Variants in NUSAP1 observed in about 807,000 individuals in gnomAD.
The protein encoded by NUSAP1 is nucleolar and spindle associated protein 1.
Under a neutral mutation model 52.8 loss-of-function variants are expected in NUSAP1, and 32 were observed. The ratio of observed to expected loss-of-function variants is 0.61; its 90% CI spans 0.46 to 0.81. The LOEUF is 0.81. Ranked by LOEUF, NUSAP1 falls within the 40% of genes least tolerant of loss-of-function variation. The pLI is 0.00. For missense variants in NUSAP1, 499 were observed against 522.3 expected, an observed-to-expected ratio of 0.96 and a Z score of 0.43; for synonymous variants, 195 against 183.1, an observed-to-expected ratio of 1.06 and a Z score of -0.52.
At chr15:41,359,526 G>A (rs1402821522) in intron 6 of NUSAP1, among the ~76,000 whole-genome samples, 1 of 152,042 alleles carries the variant, frequency 6.6e-6, no homozygotes, top group African/African-American at 2.4e-5. Context: ...GTGATAAATT[G>A]TAAATAATTT....
At chr15:41,365,262 TTC>T (rs1234949511) in intron 6 of NUSAP1, 138 bp from the exon 7 acceptor site, 1 of 598,890 alleles carries the variant, frequency 1.7e-6, no homozygotes, top group Non-Finnish European at 2.8e-6. Flanking sequence ...GTTCAAGTGA[TTC>T]TCCCGCCTCA....
intron 1 of NUSAP1, among the ~76,000 whole-genome samples, chr15:41,336,789 G>GGCACGT (rs1430488712): frequency 1.3e-5 from 2 of 150,640 alleles, no homozygotes; most frequent in Non-Finnish European, 2.9e-5. Context: ...TGGGATTACA[G>GGCACGT]GCACGTGCCA....
chr15:41,358,187 G>A lies in NUSAP1; in HGVS notation c.589G>A (p.Glu197Lys). 1 of 1,573,708 alleles carries A rather than the reference G, an allele frequency of 6.4e-7. No homozygotes were observed. Among genetic ancestry groups the A allele is most frequent in the Non-Finnish European group, 8.7e-7 (1 of 1,149,292 alleles). Residue 197 changes from glutamate (E) to lysine (K), a missense_variant, in exon 6 of 11, where the codon GAG becomes AAG. By Grantham distance (56) the Glu-to-Lys change is moderately conservative. Coordinates refer to ENST00000559596, the MANE Select transcript of NUSAP1 (RefSeq NM_016359.5). ...KLHEAHFKEM[E>K]SIDQYIERKK... ...TCATGAAGCTCATTTTAAGGAAATG[G>A]AGTCCATTGATCAATATATTGAGAG...
intron 7 of NUSAP1, among the ~76,000 whole-genome samples, chr15:41,369,262 T>C (rs1294342255): frequency 1.3e-5 from 2 of 152,154 alleles, no homozygotes; most frequent in African/African-American, 4.8e-5. Flanking sequence ...ATGTAGTTTT[T>C]CAAACTTAAA....
intron 2 of NUSAP1, chr15:41,343,301 A>G (rs1435552837): frequency 6.6e-6 from 1 of 152,228 alleles, no homozygotes; most frequent in Non-Finnish European, 1.5e-5. Context: ...TTGATAAGGC[A>G]TGACTCCTAA....
At chr15:41,342,902 G>A (rs1467272566) in intron 2 of NUSAP1, among the ~76,000 whole-genome samples, 8 of 152,138 alleles carry the variant, frequency 5.3e-5, no homozygotes, top group Non-Finnish European at 8.8e-5. Context: ...TAGTGCCAAG[G>A]ACTGAATCCT....
At chr15:41,365,704 G>T in intron 7 of NUSAP1, 115 bp downstream of exon 7, 13 of 601,770 alleles carry the variant, frequency 2.2e-5, no homozygotes, top group South Asian at 8.1e-5. Context: ...ACATAGTGAT[G>T]TTTCTTTTCT....
At chr15:41,350,013 C>T (rs1051834646) in intron 3 of NUSAP1, among the ~76,000 whole-genome samples, 4 of 152,060 alleles carry the variant, frequency 2.6e-5, no homozygotes, top group African/African-American at 9.7e-5. Context: ...GTGCTCTACC[C>T]ACCTCGGCCT....
At chr15:41,343,705 G>T (rs2048450691) in intron 2 of NUSAP1, among the ~76,000 whole-genome samples, 1 of 151,106 alleles carries the variant, frequency 6.6e-6, no homozygotes, top group South Asian at 2.1e-4. Flanking sequence ...TGGCCAGGCT[G>T]GTCTCAAACT....
intron 6 of NUSAP1, among the ~76,000 whole-genome samples, chr15:41,360,424 C>A (rs2049127976): frequency 6.6e-6 from 1 of 152,032 alleles, no homozygotes; most frequent in Admixed American, 6.6e-5. Flanking sequence ...TCAAGCAATT[C>A]TCCTGCCTCA....
At chr15:41,336,648 G>GTGTTTTTTTTT (rs1555426223) in intron 1 of NUSAP1, among the ~76,000 whole-genome samples, 19 of 91,350 alleles carry the variant, frequency 2.1e-4, no homozygotes, top group African/African-American at 7.2e-4. Flanking sequence ...CCTCCTTTTG[G>GTGTTTTTTTTT]TTTTTTTTTT....
At chr15:41,352,895 T>C (rs78463234) in intron 4 of NUSAP1, among the ~76,000 whole-genome samples, 1,951 of 151,988 alleles carry the variant, frequency 0.013, 42 homozygotes, top group African/African-American at 0.046. Context: ...GTCCTCTGAG[T>C]TGGTTTGTCT....
At chr15:41,368,728 C>CTTTTTTTTTTTTT (rs57501156) in intron 7 of NUSAP1, among the ~76,000 whole-genome samples, 5 of 77,916 alleles carry the variant, frequency 6.4e-5, no homozygotes, top group Admixed American at 1.7e-4. Flanking sequence ...TTATTTTATT[C>CTTTTTTTTTTTTT]TTTTTTTTTT....
At chr15:41,356,354 CTTTTTT>C (rs398026995) in intron 5 of NUSAP1, among the ~76,000 whole-genome samples, 1,653 of 124,648 alleles carry the variant, frequency 0.013, 41 homozygotes, top group African/African-American at 0.046. Flanking sequence ...CTATTTCTTT[CTTTTTT>C]TTTTTTTTTT....
At chr15:41,374,197 G>A (rs1052649981) in intron 8 of NUSAP1, among the ~76,000 whole-genome samples, 42 of 151,854 alleles carry the variant, frequency 2.8e-4, no homozygotes, top group African/African-American at 9.0e-4. Flanking sequence ...AGTCCTTTGC[G>A]GCTGCTATTA....
chr15:41,345,467 T>TC (rs2048530199), intron 2 of NUSAP1: 5 of 421,304 alleles, frequency 1.2e-5, no homozygotes, highest in Admixed American at 5.9e-5. Context: ...TTTTTTTCTT[T>TC]CTTTTTTTTT....
intron 10 of NUSAP1, among the ~76,000 whole-genome samples, chr15:41,377,776 G>A (rs1236572493): frequency 6.7e-6 from 1 of 149,582 alleles, no homozygotes; most frequent in East Asian, 2.0e-4. Flanking sequence ...AGGCCGAGGG[G>A]GGCAGATCAC....
rs780940209 is a variant in NUSAP1, at chr15:41,332,957, G to T, written c.-1G>T. 2.5e-6 allele frequency: 4 copies of T among 1,607,934 alleles called. No individual in the cohort carries two copies. The East Asian group carries it at 9.0e-5, about 36-fold the overall frequency. ...GAGTATCGCCGGGATTTCGAATCGC[G>T]ATGATCATCCCCTCTCTAGAGGAGC... is the stretch of plus-strand genomic sequence containing the variant. On this transcript the variant is annotated 5_prime_UTR_variant, in exon 1 of 11. Transcript: ENST00000559596.
intron 4 of NUSAP1, among the ~76,000 whole-genome samples, chr15:41,354,693 T>C (rs970516080): frequency 1.4e-5 from 2 of 145,344 alleles, no homozygotes; most frequent in African/African-American, 5.3e-5. Context: ...ATATATATGT[T>C]TAATTTATAT....
Sources: allele counts gnomAD v4.1 joint callset (sites outside exome capture counted in the v4.1 genomes callset), GRCh38; gene constraint gnomAD v4.1.1; transcripts MANE v1.5; gene names NCBI Gene and HGNC (gene_info 2026-07-23, HGNC 2026-07-21).